BORCS5: variants seen among roughly 807,000 people sequenced by gnomAD.
BORCS5 encodes the protein BLOC-1-related complex subunit 5.
In BORCS5, 17 loss-of-function variants were observed where a neutral mutation model predicts 22.1. The observed-to-expected ratio is 0.77, with a 90% CI of 0.53 to 1.15. BORCS5 has a LOEUF of 1.15. Ranked by LOEUF, BORCS5 falls within the 50% of genes most tolerant of loss-of-function variation. The probability of loss-of-function intolerance (pLI) is 0.00; values close to 1 mark genes in which losing one functional copy is unlikely to be tolerated. For synonymous variants in BORCS5, 117 were observed against 99.8 expected (o/e 1.17, Z -1.03); for missense variants, 247 against 253.2 (o/e 0.98, Z 0.17).
chr12:12,435,608 C>G lies in BORCS5; in HGVS notation c.203-20C>G. The stretch of plus-strand genomic sequence containing the variant: ...ATTAGCAGTAATTTTAATTTCATTT[C>G]ATTTTTTTCTCCTTTGAAGGGCTAT... On this transcript the variant is annotated intron_variant, in intron 2 of 3. Coordinates refer to ENST00000314565, the MANE Select transcript of BORCS5 (RefSeq NM_058169.6). The G allele has an allele frequency of 6.3e-7, 1 of 1,587,478 alleles. No homozygotes were observed. Among genetic ancestry groups the G allele is most frequent in the Non-Finnish European group, 8.6e-7 (1 of 1,166,162 alleles).
chr12:12,414,212 C>T (rs1397220758), intron 2 of BORCS5, among the ~76,000 whole-genome samples: 6 of 87,050 alleles, frequency 6.9e-5, no homozygotes, highest in African/African-American at 1.4e-4. Context: ...GGGGGGCTGA[C>T]CCCCCCACCT....
intron 2 of BORCS5, among the ~76,000 whole-genome samples, chr12:12,374,979 A>C (rs1451036804): frequency 3.3e-5 from 5 of 151,488 alleles, no homozygotes; most frequent in African/African-American, 4.8e-5. Context: ...ATTATTAACC[A>C]AGTTTGTATT....
Position 12,382,574 on chromosome 12 carries a change from G to A in BORCS5, c.202+21225G>A, listed in dbSNP as rs75418450. 1.5e-3 allele frequency among the ~76,000 whole-genome samples: 218 copies of A among 147,456 alleles called. 7 individuals are homozygous for A. In the East Asian group the frequency reaches 0.035, roughly 24 times the overall value. ...TTTTGAGACAAAGTCTTGCTCGACA[G>A]GCTGCTGAAGTGCAGTGGCGCGATC... On this transcript the variant is annotated intron_variant, in intron 2 of 3. Transcript: ENST00000314565.
At chr12:12,435,853 C>G (rs1024778813) in intron 3 of BORCS5, 68 bp downstream of exon 3, 3 of 1,473,646 alleles carry the variant, frequency 2.0e-6, no homozygotes, top group Non-Finnish European at 2.8e-6. Context: ...TGGATGCCAT[C>G]TTAAGACTTG....
chr12:12,430,370 C>T (rs1046589969), intron 2 of BORCS5, among the ~76,000 whole-genome samples: 4 of 152,006 alleles, frequency 2.6e-5, no homozygotes, highest in Admixed American at 1.3e-4. Flanking sequence ...CCAGGGTGGT[C>T]TCGATCTCCT....
At chr12:12,412,167 G>A (rs61923612) in intron 2 of BORCS5, among the ~76,000 whole-genome samples, 4,973 of 152,220 alleles carry the variant, frequency 0.033, 114 homozygotes, top group Middle Eastern at 0.071. Flanking sequence ...AAGTCACTGG[G>A]ATTTTGATAG....
intron 3 of BORCS5, among the ~76,000 whole-genome samples, chr12:12,441,650 T>C (rs1565919143): frequency 6.6e-6 from 1 of 152,114 alleles, no homozygotes; most frequent in Non-Finnish European, 1.5e-5. Context: ...TGTCTAAATA[T>C]TGCCCCATTT....
At chr12:12,361,488 CT>C in intron 2 of BORCS5, 139 bp downstream of exon 2, 1 of 946,334 alleles carries the variant, frequency 1.1e-6, no homozygotes, top group Non-Finnish European at 1.6e-6. Flanking sequence ...TCAGTGAAGC[CT>C]TTCTTGATTT....
rs1863282044 is a variant in BORCS5, at chr12:12,361,355, G to T, written c.202+6G>T. On this transcript the variant is annotated splice_donor_region_variant and intron_variant, in intron 2 of 3. Coordinates refer to ENST00000314565, the MANE Select transcript of BORCS5 (RefSeq NM_058169.6). ...CTTCCAGCCCCTTTTGAAAGGTAAA[G>T]GATTGCGTTTTGTTTTATCTGAACT... The T allele has an allele frequency of 2.5e-6, 4 of 1,612,136 alleles. No homozygotes were observed. In the African/African-American group the frequency reaches 5.3e-5, roughly 22 times the overall value.
At chr12:12,428,570 AAAG>A (rs10581544) in intron 2 of BORCS5, among the ~76,000 whole-genome samples, 90,569 of 151,852 alleles carry the variant, frequency 0.6, 27,695 homozygotes, top group African/African-American at 0.7. Context: ...GTATTAAACT[AAAG>A]AAGAAGTAGA....
chr12:12,414,229 C>T (rs1319004592), intron 2 of BORCS5, among the ~76,000 whole-genome samples: 7 of 82,900 alleles, frequency 8.4e-5, no homozygotes, highest in Non-Finnish European at 1.3e-4. Flanking sequence ...ACCTCCCTCC[C>T]GGACGGGGCG....
chr12:12,361,776 A>G (rs1863291906), intron 2 of BORCS5, among the ~76,000 whole-genome samples: 1 of 152,204 alleles, frequency 6.6e-6, no homozygotes, highest in Non-Finnish European at 1.5e-5. Flanking sequence ...TGATCTGGAC[A>G]GTGGGTGGAC....
chr12:12,465,517 T>C, intron 3 of BORCS5, 29 bp from the exon 4 acceptor site: 2 of 1,597,952 alleles, frequency 1.3e-6, no homozygotes, highest in Non-Finnish European at 1.7e-6. Flanking sequence ...TTAAACAAGG[T>C]ATAATGTACT....
chr12:12,464,201 G>GTT (rs35244701), intron 3 of BORCS5, among the ~76,000 whole-genome samples: 1 of 145,004 alleles, frequency 6.9e-6, no homozygotes, highest in Non-Finnish European at 1.5e-5. Flanking sequence ...TCACTCCCAT[G>GTT]TTTTTTTTTT....
intron 2 of BORCS5, among the ~76,000 whole-genome samples, chr12:12,366,788 T>G (rs1276736074): frequency 6.6e-6 from 1 of 152,186 alleles, no homozygotes; most frequent in Non-Finnish European, 1.5e-5. Context: ...ATATATAAAG[T>G]TACAAAAATA....
intron 3 of BORCS5, among the ~76,000 whole-genome samples, chr12:12,439,643 A>C (rs1293838840): frequency 6.6e-6 from 1 of 152,230 alleles, no homozygotes; most frequent in Non-Finnish European, 1.5e-5. Context: ...AAACAGTTTA[A>C]AATTCTGTTT....
At chr12:12,376,136 A>G (rs1248591186) in intron 2 of BORCS5, among the ~76,000 whole-genome samples, 6 of 151,728 alleles carry the variant, frequency 4.0e-5, no homozygotes, top group South Asian at 4.2e-4. Flanking sequence ...TTAGCAGTAT[A>G]TGAAAGTGTC....
At chr12:12,439,736 C>G (rs1942642545) in intron 3 of BORCS5, among the ~76,000 whole-genome samples, 1 of 152,238 alleles carries the variant, frequency 6.6e-6, no homozygotes, top group Non-Finnish European at 1.5e-5. Context: ...CAGTACTGAG[C>G]AATACCTCAG....
intron 2 of BORCS5, among the ~76,000 whole-genome samples, chr12:12,408,112 G>A (rs1382449683): frequency 1.3e-5 from 2 of 152,150 alleles, no homozygotes; most frequent in East Asian, 1.9e-4. Context: ...GGTTCCATCT[G>A]TATTCTAGCA....
Sources: allele counts gnomAD v4.1 joint callset (sites outside exome capture counted in the v4.1 genomes callset), GRCh38; gene constraint gnomAD v4.1.1; transcripts MANE v1.5; gene names NCBI Gene and HGNC (gene_info 2026-07-23, HGNC 2026-07-21).